Variants in MAEA observed in about 807,000 individuals in gnomAD.
MAEA encodes E3 ubiquitin-protein transferase MAEA.
A neutral mutation model predicts 46.2 loss-of-function variants in MAEA; 22 were observed. That is an observed-to-expected ratio of 0.48 (90% CI 0.34 to 0.68). MAEA has a LOEUF of 0.68. MAEA is among the 30% of genes least tolerant of loss of function. The pLI is 0.01. For missense variants in MAEA, 393 were observed against 558.1 expected (o/e 0.70, Z 2.98); for synonymous variants, 246 against 222.6 (o/e 1.11, Z -0.94).
At chr4:1,325,607 T>C (rs540228054) in intron 4 of MAEA, among the ~76,000 whole-genome samples, 270 of 152,304 alleles carry the variant, frequency 1.8e-3, no homozygotes, top group African/African-American at 6.1e-3. Context: ...CGTCCTGCCT[T>C]TAGACAGAGC....
At chr4:1,322,278 G>A in intron 3 of MAEA, 103 bp from the exon 4 acceptor site, 2 of 1,502,830 alleles carry the variant, frequency 1.3e-6, no homozygotes, top group Admixed American at 1.9e-5. Context: ...ATCTCGAGTG[G>A]TGGCCGGTGC....
chr4:1,321,314 A>G (rs991282241), intron 3 of MAEA, among the ~76,000 whole-genome samples: 1 of 152,222 alleles, frequency 6.6e-6, no homozygotes, highest in South Asian at 2.1e-4. Flanking sequence ...AGATATCATC[A>G]AAGCAAACAT....
At position 1,339,742 on chromosome 4, in the gene MAEA, G is replaced by A. The variant is rs1257361857; in HGVS notation, c.*573G>A. On this transcript the variant is annotated 3_prime_UTR_variant, in exon 9 of 9. Coordinates refer to ENST00000303400, the MANE Select transcript of MAEA (RefSeq NM_001017405.3). ...CTTCGAGGACGCCCGCCTGCCTCGC[G>A]GGTCGTGTCCGCGGGACTGTGTTCG... is the stretch of plus-strand genomic sequence containing the variant. 2 of 155,534 alleles carry A rather than the reference G, an allele frequency of 1.3e-5. No individual in the cohort carries two copies. The highest frequency in any genetic ancestry group is 2.0e-4 in the South Asian group (1 of 5,106). 9.6% of individuals were successfully genotyped at this position (155,534 alleles called of 1,614,324 possible).
intron 1 of MAEA, among the ~76,000 whole-genome samples, chr4:1,298,646 T>G (rs1735018224): frequency 6.6e-6 from 1 of 152,142 alleles, no homozygotes; most frequent in Non-Finnish European, 1.5e-5. Context: ...GCTCACCCCC[T>G]CGGGCTCCTA....
At chr4:1,315,075 T>C (rs1347728951) in intron 2 of MAEA, among the ~76,000 whole-genome samples, 1 of 152,194 alleles carries the variant, frequency 6.6e-6, no homozygotes, top group Non-Finnish European at 1.5e-5. Flanking sequence ...CACCTTATAA[T>C]GATAAACAGT....
At chr4:1,306,884 G>A (rs577179612) in intron 1 of MAEA, among the ~76,000 whole-genome samples, 23 of 152,296 alleles carry the variant, frequency 1.5e-4, no homozygotes, top group African/African-American at 4.8e-4. Flanking sequence ...TGTGAGGTTT[G>A]GGTTGAGGGC....
chr4:1,326,836 T>C lies in MAEA; in HGVS notation c.580-791T>C, dbSNP rs115893570. 5.9e-3 allele frequency among the ~76,000 whole-genome samples: 902 copies of C among 152,332 alleles called. 8 individuals carry two copies. Among genetic ancestry groups the C allele is most frequent in the African/African-American group, 0.021 (863 of 41,584 alleles). ...CACCGGCCCCGGCTTCTGCCCGCCA[T>C]GTTCTCGCCAGGTGTCTGTGCGGTC... On this transcript the variant is annotated intron_variant, in intron 4 of 8. Coordinates refer to ENST00000303400, the MANE Select transcript of MAEA (RefSeq NM_001017405.3).
rs140308885 is a variant in MAEA, at chr4:1,337,335, T to TGCCTGTGACTGACTCTGTCCC, written c.899+363_899+383dup. On this transcript the variant is annotated intron_variant, in intron 7 of 8. Coordinates refer to ENST00000303400, the MANE Select transcript of MAEA (RefSeq NM_001017405.3). The stretch of plus-strand genomic sequence containing the variant: ...TTTCCCGTGTGATTACCAAGAACCT[T>TGCCTGTGACTGACTCTGTCCC]GCCTGTGACTGACTCTGTCCCGCCT... The TGCCTGTGACTGACTCTGTCCC allele has an allele frequency of 6.2e-4, 161 of 261,014 alleles. 1 individual carries two copies. In the African/African-American group the frequency reaches 8.4e-3, roughly 14 times the overall value. 16.2% of individuals were successfully genotyped at this position (261,014 alleles called of 1,614,324 possible). A position where few individuals can be genotyped will look rare whatever the true frequency, so the allele number is the denominator to read the frequency against.
At chr4:1,310,188 A>G (rs1411964355) in intron 1 of MAEA, among the ~76,000 whole-genome samples, 1 of 152,176 alleles carries the variant, frequency 6.6e-6, no homozygotes, top group East Asian at 1.9e-4. Flanking sequence ...TAGGGTCTCC[A>G]GTGGGAGAGT....
intron 3 of MAEA, among the ~76,000 whole-genome samples, chr4:1,316,932 ACCCGG>A (rs1737262510): frequency 3.1e-5 from 3 of 97,532 alleles, no homozygotes; most frequent in African/African-American, 4.6e-5. Context: ...CCCCAGGCCC[ACCCGG>A]CCCCACACTC....
At chr4:1,307,276 T>C (rs1323309035) in intron 1 of MAEA, among the ~76,000 whole-genome samples, 1 of 150,934 alleles carries the variant, frequency 6.6e-6, no homozygotes, top group Non-Finnish European at 1.5e-5. Flanking sequence ...GACCCTCTCA[T>C]CTTGCAAACC....
At chr4:1,322,797 G>A (rs142323251) in intron 4 of MAEA, among the ~76,000 whole-genome samples, 1 of 152,284 alleles carries the variant, frequency 6.6e-6, no homozygotes, top group African/African-American at 2.4e-5. Context: ...TGGGCTTAGA[G>A]CCTGGAGACA....
intron 3 of MAEA, 131 bp from the exon 4 acceptor site, chr4:1,322,245 CCCACA>C: frequency 8.0e-7 from 1 of 1,242,956 alleles, no homozygotes; most frequent in African/African-American, 1.5e-5. Context: ...CGAGTGCAGA[CCCACA>C]GTGTGGACTG....
chr4:1,295,822 A>G (rs117476122), intron 1 of MAEA, among the ~76,000 whole-genome samples: 945 of 24,346 alleles, frequency 0.039, 116 homozygotes, highest in East Asian at 0.3. Flanking sequence ...CCCCTCACCC[A>G]CGCCTGTGCC....
At position 1,339,193 on chromosome 4, in the gene MAEA, C is replaced by G. The variant is rs755286998; in HGVS notation, c.*24C>G. ...AGGCCCCACGTCGTGAAGCGCACGCCTCGGGGACGGGCTGCAGTGGGCGGG... is the reference window on the plus strand; with the variant it reads ...AGGCCCCACGTCGTGAAGCGCACGCGTCGGGGACGGGCTGCAGTGGGCGGG... On this transcript the variant is annotated 3_prime_UTR_variant, in exon 9 of 9. Transcript: ENST00000303400. 6.3e-7 allele frequency: 1 copy of G among 1,590,264 alleles called. No individual in the cohort carries two copies. The highest frequency in any genetic ancestry group is 8.6e-7 in the Non-Finnish European group (1 of 1,158,586).
Position 1,315,398 on chromosome 4 carries a change from C to T in MAEA, c.254C>T (p.Ala85Val). The T allele has an allele frequency of 6.2e-7, 1 of 1,613,726 alleles. No homozygotes were observed. The highest frequency in any genetic ancestry group is 8.5e-7 in the Non-Finnish European group (1 of 1,179,924). ...VEKLSVLKRK[A>V]VESIQAEDES... The stretch of plus-strand genomic sequence containing the variant: ...GTGCCTCTGTTGTGTGTGGCTCAGG[C>T]GGTGGAATCCATCCAGGCCGAGGAC... The change falls in exon 3 of 9, where the codon GCG (alanine) becomes GTG (valine). Residue 85 changes from alanine to valine, a missense_variant and splice_region_variant. Ala to Val is a moderately conservative substitution (Grantham distance 64). Transcript: ENST00000303400.
chr4:1,296,578 T>A (rs1734747427), intron 1 of MAEA, among the ~76,000 whole-genome samples: 1 of 151,596 alleles, frequency 6.6e-6, no homozygotes, highest in African/African-American at 2.4e-5. Context: ...GGTTTTCCCA[T>A]TGGCTGTGCA....
chr4:1,318,451 C>T (rs1737598129), intron 3 of MAEA, among the ~76,000 whole-genome samples: 1 of 152,184 alleles, frequency 6.6e-6, no homozygotes, highest in South Asian at 2.1e-4. Context: ...TGGAGTAGGC[C>T]TCAGCAGGGT....
At chr4:1,312,284 C>A (rs941563181) in intron 2 of MAEA, 123 bp downstream of exon 2, 15 of 1,142,822 alleles carry the variant, frequency 1.3e-5, no homozygotes, top group Non-Finnish European at 1.9e-5. Context: ...TGGGGGCCCC[C>A]TTCCCTGCTG....
Sources: allele counts gnomAD v4.1 joint callset (sites outside exome capture counted in the v4.1 genomes callset), GRCh38; gene constraint gnomAD v4.1.1; transcripts MANE v1.5; gene names NCBI Gene and HGNC (gene_info 2026-07-23, HGNC 2026-07-21).